The following PEPD variants were observed in gnomAD, a reference collection of about 807,000 sequenced individuals.
The protein encoded by PEPD is xaa-Pro dipeptidase.
PEPD carries 53 observed loss-of-function variants against 60.7 expected under a neutral mutation model. The observed-to-expected ratio is 0.87, with a 90% CI of 0.70 to 1.10. The LOEUF (loss-of-function observed/expected upper bound fraction) is 1.10. PEPD is among the 50% of genes least tolerant of loss of function. The pLI is 0.00. For missense variants in PEPD, 711 were observed against 711.9 expected (o/e 1.00, Z 0.01); for synonymous variants, 267 against 284.1 (o/e 0.94, Z 0.60).
chr19:33,470,825 C>T (rs532524471), intron 7 of PEPD, among the ~76,000 whole-genome samples: 1 of 152,274 alleles, frequency 6.6e-6, no homozygotes, highest in South Asian at 2.1e-4. Flanking sequence ...AAACCGGGCA[C>T]AGCAGGGGCA....
chr19:33,470,099 T>A (rs532055969), intron 7 of PEPD, among the ~76,000 whole-genome samples: 1 of 151,146 alleles, frequency 6.6e-6, no homozygotes, highest in African/African-American at 2.4e-5. Flanking sequence ...ATCACATCCA[T>A]CCGCTGCTTC....
At chr19:33,438,503 T>C (rs962744059) in intron 9 of PEPD, among the ~76,000 whole-genome samples, 1 of 152,244 alleles carries the variant, frequency 6.6e-6, no homozygotes, top group Non-Finnish European at 1.5e-5. Flanking sequence ...GGGCACTCTA[T>C]GCCCCCAGTC....
intron 11 of PEPD, among the ~76,000 whole-genome samples, chr19:33,402,568 GC>G (rs1968523402): frequency 1.3e-5 from 2 of 152,216 alleles, no homozygotes; most frequent in South Asian, 4.1e-4. Flanking sequence ...GACATATTCT[GC>G]CAGGGCCCAA....
chr19:33,437,724 C>T (rs2145406209), intron 9 of PEPD, among the ~76,000 whole-genome samples: 1 of 152,338 alleles, frequency 6.6e-6, no homozygotes, highest in East Asian at 1.9e-4. Context: ...AAACTGCCCA[C>T]CACAGGTAAG....
intron 9 of PEPD, among the ~76,000 whole-genome samples, chr19:33,435,744 T>G (rs186783181): frequency 0.014 from 2,125 of 152,286 alleles, 28 homozygotes; most frequent in South Asian, 0.071. Context: ...CAGGACTGGG[T>G]GTCAGAACCT....
At chr19:33,462,180 T>A (rs2145270308) in intron 9 of PEPD, among the ~76,000 whole-genome samples, 1 of 152,104 alleles carries the variant, frequency 6.6e-6, no homozygotes, top group East Asian at 1.9e-4. Context: ...ACATCTGGGG[T>A]GGACTTGGGC....
At chr19:33,401,216 C>T (rs1010526696) in intron 12 of PEPD, among the ~76,000 whole-genome samples, 2 of 152,224 alleles carry the variant, frequency 1.3e-5, no homozygotes, top group African/African-American at 2.4e-5. Flanking sequence ...ACAGGCCAGG[C>T]GGCCTTGCAG....
intron 9 of PEPD, among the ~76,000 whole-genome samples, chr19:33,424,411 A>G (rs1969098265): frequency 6.6e-6 from 1 of 152,220 alleles, no homozygotes; most frequent in Non-Finnish European, 1.5e-5. Context: ...GAGCTGTGTA[A>G]ACACAAGCAC....
chr19:33,430,246 G>A (rs1237356397), intron 9 of PEPD, among the ~76,000 whole-genome samples: 1 of 152,194 alleles, frequency 6.6e-6, no homozygotes, highest in Non-Finnish European at 1.5e-5. Context: ...TTTCTAGATG[G>A]CACTGGGCTT....
chr19:33,415,508 A>G (rs1428880550), intron 9 of PEPD, among the ~76,000 whole-genome samples: 1 of 152,178 alleles, frequency 6.6e-6, no homozygotes, highest in African/African-American at 2.4e-5. Context: ...CCCAGCTCTC[A>G]AAAAATCAAT....
chr19:33,437,584 T>A (rs922677793), intron 9 of PEPD, among the ~76,000 whole-genome samples: 1 of 152,140 alleles, frequency 6.6e-6, no homozygotes, highest in African/African-American at 2.4e-5. Flanking sequence ...AATGCTAAAA[T>A]TTTAGACTGT....
intron 11 of PEPD, among the ~76,000 whole-genome samples, chr19:33,403,477 G>C (rs752729708): frequency 2.0e-5 from 3 of 152,156 alleles, no homozygotes; most frequent in African/African-American, 4.8e-5. Flanking sequence ...CCGTCACGAG[G>C]GCCTCTCACC....
At chr19:33,399,707 T>C (rs1968445531) in intron 12 of PEPD, among the ~76,000 whole-genome samples, 1 of 152,214 alleles carries the variant, frequency 6.6e-6, no homozygotes, top group African/African-American at 2.4e-5. Flanking sequence ...CCGCAGGGAC[T>C]GCTCAGTCGA....
chr19:33,435,705 C>T (rs562661450), intron 9 of PEPD, among the ~76,000 whole-genome samples: 5 of 152,364 alleles, frequency 3.3e-5, no homozygotes, highest in African/African-American at 1.2e-4. Context: ...TCTGCTGATG[C>T]TCGTATGGCC....
At chr19:33,491,363 T>C (rs1600158369) in intron 5 of PEPD, among the ~76,000 whole-genome samples, 2 of 152,028 alleles carry the variant, frequency 1.3e-5, no homozygotes, top group African/African-American at 2.4e-5. Context: ...GGCAGGAGAA[T>C]TGCTTGAACC....
At chr19:33,516,115 G>A (rs1250010738) in intron 1 of PEPD, among the ~76,000 whole-genome samples, 4 of 152,074 alleles carry the variant, frequency 2.6e-5, no homozygotes, top group Non-Finnish European at 4.4e-5. Context: ...AAGGCAATAT[G>A]CTACAGTCAT....
At chr19:33,424,994 AAACAAAC>A (rs148780159) in intron 9 of PEPD, among the ~76,000 whole-genome samples, 18,429 of 151,984 alleles carry the variant, frequency 0.12, 1,304 homozygotes, top group East Asian at 0.28. Flanking sequence ...AAAAACAAAA[AAACAAAC>A]AACAACAACA....
intron 6 of PEPD, among the ~76,000 whole-genome samples, chr19:33,485,887 C>T (rs1970388559): frequency 6.6e-6 from 1 of 151,546 alleles, no homozygotes; most frequent in Admixed American, 6.6e-5. Context: ...CTGTCACTCG[C>T]TGCCCCGGCC....
At chr19:33,475,730 A>T (rs1406360390) in intron 7 of PEPD, among the ~76,000 whole-genome samples, 1 of 152,190 alleles carries the variant, frequency 6.6e-6, no homozygotes, top group Non-Finnish European at 1.5e-5. Flanking sequence ...GAGGCAGTAT[A>T]AGTGGACATG....
Sources: allele counts gnomAD v4.1 joint callset (sites outside exome capture counted in the v4.1 genomes callset), GRCh38; gene constraint gnomAD v4.1.1; transcripts MANE v1.5; gene names NCBI Gene and HGNC (gene_info 2026-07-23, HGNC 2026-07-21).